NME7: variants seen among roughly 807,000 people sequenced by gnomAD.
NME7 encodes the protein NME/NM23 family member 7.
A neutral mutation model predicts 49.1 loss-of-function variants in NME7; 41 were observed. The observed-to-expected ratio is 0.83, with a 90% CI of 0.65 to 1.08. The LOEUF is 1.08. Ranked by LOEUF, NME7 falls within the 50% of genes least tolerant of loss-of-function variation. The pLI is 0.00. For synonymous variants in NME7, 139 were observed against 150.6 expected (o/e 0.92, Z 0.56); for missense variants, 423 against 463.4 (o/e 0.91, Z 0.80).
At chr1:169,291,117 C>T (rs1650483243) in intron 6 of NME7, among the ~76,000 whole-genome samples, 1 of 152,144 alleles carries the variant, frequency 6.6e-6, no homozygotes, top group African/African-American at 2.4e-5. Context: ...CCTCAAGGAT[C>T]TAGAACCAGA....
chr1:169,355,082 A>AATATACTATATATTATAGATATAATATG (rs1653362905), intron 1 of NME7, among the ~76,000 whole-genome samples: 1 of 62,090 alleles, frequency 1.6e-5, no homozygotes, highest in African/African-American at 6.5e-5. Flanking sequence ...GATATAATAT[A>AATATACTATATATTATAGATATAATATG]TAATATACTA....
chr1:169,169,597 G>A, intron 10 of NME7, 43 bp from the exon 11 acceptor site: 1 of 1,545,954 alleles, frequency 6.5e-7, no homozygotes, highest in Non-Finnish European at 8.9e-7. Context: ...TTAGTCATAT[G>A]GTATAAATAA....
At chr1:169,246,737 C>T (rs558862648) in intron 7 of NME7, among the ~76,000 whole-genome samples, 6 of 152,222 alleles carry the variant, frequency 3.9e-5, no homozygotes, top group African/African-American at 1.4e-4. Flanking sequence ...TGCCACCATG[C>T]CCAGCTAATT....
intron 10 of NME7, 98 bp from the exon 11 acceptor site, chr1:169,169,652 A>G: frequency 9.4e-7 from 1 of 1,061,162 alleles, no homozygotes; most frequent in East Asian, 2.4e-5. Context: ...TATGAAATAC[A>G]TGTTATATAT....
At position 169,230,704 on chromosome 1, in the gene NME7, A is replaced by C. The variant is rs762403028; in HGVS notation, c.990+14T>G. On this transcript the variant is annotated intron_variant, in intron 10 of 11. Transcript: ENST00000367811. ...ATAACACAAACTAGGATAATATTTT[A>C]AACAATAACTTACAGGATCAGCAGG... The C allele has an allele frequency of 2.6e-6, 4 of 1,559,754 alleles. No individual in the cohort carries two copies. In the South Asian group the frequency reaches 3.6e-5, roughly 14 times the overall value.
At chr1:169,282,087 T>A (rs1650042345) in intron 7 of NME7, among the ~76,000 whole-genome samples, 1 of 152,188 alleles carries the variant, frequency 6.6e-6, no homozygotes, top group Non-Finnish European at 1.5e-5. Context: ...CTGGACTTTT[T>A]TTGGTTGGTA....
intron 7 of NME7, chr1:169,285,090 C>G (rs944448215): frequency 6.6e-6 from 1 of 151,938 alleles, no homozygotes; most frequent in Non-Finnish European, 1.5e-5. Flanking sequence ...TGTGTGTGTA[C>G]AGGTTGAATA....
At chr1:169,211,154 A>G (rs903951606) in intron 10 of NME7, among the ~76,000 whole-genome samples, 3 of 152,174 alleles carry the variant, frequency 2.0e-5, no homozygotes, top group Non-Finnish European at 4.4e-5. Context: ...TACAATTACC[A>G]TATTTGGTGA....
At chr1:169,149,919 T>TAC (rs1259644014) in intron 11 of NME7, among the ~76,000 whole-genome samples, 2 of 152,286 alleles carry the variant, frequency 1.3e-5, no homozygotes, top group Non-Finnish European at 1.5e-5. Flanking sequence ...ATTCGGATTA[T>TAC]ACAGTTCTGA....
At chr1:169,346,910 C>A (rs1200974350) in intron 1 of NME7, among the ~76,000 whole-genome samples, 1 of 152,202 alleles carries the variant, frequency 6.6e-6, no homozygotes, top group African/African-American at 2.4e-5. Flanking sequence ...TGAATGGCTT[C>A]TCTTTGCCAG....
At chr1:169,225,402 T>C (rs6701686) in intron 10 of NME7, among the ~76,000 whole-genome samples, 63,902 of 151,976 alleles carry the variant, frequency 0.42, 14,337 homozygotes, top group East Asian at 0.79. Context: ...ACCACCCTGC[T>C]CGGTCCAGTT....
At chr1:169,333,201 G>T (rs1652324760) in intron 1 of NME7, among the ~76,000 whole-genome samples, 1 of 152,058 alleles carries the variant, frequency 6.6e-6, no homozygotes, top group African/African-American at 2.4e-5. Flanking sequence ...AATAAGCTAG[G>T]CAAAGAAAGA....
At chr1:169,139,277 A>G (rs1361785548) in intron 11 of NME7, among the ~76,000 whole-genome samples, 1 of 152,246 alleles carries the variant, frequency 6.6e-6, no homozygotes, top group East Asian at 1.9e-4. Context: ...CAAATGCTTT[A>G]ACAGATTATT....
intron 10 of NME7, among the ~76,000 whole-genome samples, chr1:169,184,392 G>A (rs1660012287): frequency 6.6e-6 from 1 of 152,196 alleles, no homozygotes; most frequent in Non-Finnish European, 1.5e-5. Flanking sequence ...TGGAGTGAAT[G>A]CTGGGCATCT....
intron 6 of NME7, among the ~76,000 whole-genome samples, chr1:169,293,356 A>G (rs986575945): frequency 6.6e-6 from 1 of 152,016 alleles, no homozygotes; most frequent in Non-Finnish European, 1.5e-5. Context: ...TTATTTCTAT[A>G]TAAGTCTGAA....
rs1036921946 is a variant in NME7 at position 169,275,629 on chromosome 1, A to C, written c.754+11674T>G. Among the ~76,000 whole-genome samples, 2 of 132,012 alleles carry C rather than the reference A, an allele frequency of 1.5e-5. 1 individual carries two copies. The highest frequency in any genetic ancestry group is 4.7e-4 in the South Asian group (2 of 4,294). The allele number at this position is 132,012 out of a possible 152,430, so 86.6% of individuals were successfully genotyped here. A position where few individuals can be genotyped will look rare whatever the true frequency, so the allele number is the denominator to read the frequency against. ...CTAGATATACAATCATGTCACCTGC[A>C]AACAGGTACAATTTGACTTCCTCTT... On this transcript the variant is annotated intron_variant, in intron 7 of 11. Coordinates refer to ENST00000367811, the MANE Select transcript of NME7 (RefSeq NM_013330.5).
Position 169,189,037 on chromosome 1 carries a change from G to T in NME7, c.991-19483C>A, listed in dbSNP as rs567505208. On this transcript the variant is annotated intron_variant, in intron 10 of 11. Coordinates refer to ENST00000367811, the MANE Select transcript of NME7 (RefSeq NM_013330.5). ...AATAATGTGGCTACCCATAACAAAA[G>T]TACAGGATTTCATGGCATGCATTTT... Among the ~76,000 whole-genome samples the T allele has an allele frequency of 7.2e-5, 11 of 152,232 alleles. No individual in the cohort carries two copies. The South Asian group carries it at 2.3e-3, about 32-fold the overall frequency.
chr1:169,224,932 T>C (rs917158134), intron 10 of NME7, among the ~76,000 whole-genome samples: 6 of 152,152 alleles, frequency 3.9e-5, no homozygotes, highest in Non-Finnish European at 7.4e-5. Context: ...AAAGAGGAAG[T>C]AGCCATTCTG....
At chr1:169,136,492 G>A (rs769533502) in intron 11 of NME7, among the ~76,000 whole-genome samples, 58 of 152,298 alleles carry the variant, frequency 3.8e-4, no homozygotes, top group Non-Finnish European at 7.8e-4. Flanking sequence ...ACAATGAAAT[G>A]TTGGGGTGGG....
Sources: gnomAD v4.1 joint callset for allele counts (sites outside exome capture counted in the v4.1 genomes callset) on GRCh38, gnomAD v4.1.1 for gene constraint, MANE v1.5 for transcripts, NCBI Gene and HGNC (gene_info 2026-07-23, HGNC 2026-07-21) for gene names.